The following TLN2 variants were observed in gnomAD, a reference collection of about 807,000 sequenced individuals.
TLN2 encodes the protein talin 2.
TLN2 carries 118 observed loss-of-function variants against 294.7 expected under a neutral mutation model. That is an observed-to-expected ratio of 0.40 (90% CI 0.34 to 0.47). TLN2 has a LOEUF of 0.47. Among genes scored for constraint, TLN2 ranks in the 20% least tolerant of loss-of-function variants. The pLI, the probability that TLN2 is intolerant of heterozygous loss-of-function variation, is 0.84. For synonymous variants in TLN2, 1,431 were observed against 1,304.5 expected (o/e 1.10, Z -2.09); for missense variants, 3,083 against 3,282.2 (o/e 0.94, Z 1.48).
At chr15:62,573,887 C>T (rs1298607052) in intron 1 of TLN2, among the ~76,000 whole-genome samples, 1 of 152,034 alleles carries the variant, frequency 6.6e-6, no homozygotes, top group African/African-American at 2.4e-5. Context: ...GAAATAGCTA[C>T]CCAAGCTCAC....
chr15:62,692,952 T>A lies in TLN2; in HGVS notation c.1215+11T>A, dbSNP rs1339367502. ...ATCATCCTGAAAAAGGTATTTTGTATTGATGCAAATTGGAAAAGCAAGACG... is the reference window on the plus strand; with the variant it reads ...ATCATCCTGAAAAAGGTATTTTGTAATGATGCAAATTGGAAAAGCAAGACG... On this transcript the variant is annotated intron_variant, in intron 13 of 58. Coordinates refer to ENST00000636159, the MANE Select transcript of TLN2 (RefSeq NM_015059.3). 1 of 1,597,436 alleles carries A rather than the reference T, an allele frequency of 6.3e-7. No homozygotes were observed. The highest frequency in any genetic ancestry group is 8.5e-7 in the Non-Finnish European group (1 of 1,173,146).
intron 1 of TLN2, among the ~76,000 whole-genome samples, chr15:62,521,867 C>A (rs1054568772): frequency 6.6e-6 from 1 of 152,154 alleles, no homozygotes; most frequent in African/African-American, 2.4e-5. Flanking sequence ...ATTTCCATTT[C>A]CTCAGTGTCT....
At chr15:62,603,703 A>G (rs1240065581) in intron 2 of TLN2, among the ~76,000 whole-genome samples, 1 of 152,246 alleles carries the variant, frequency 6.6e-6, no homozygotes, top group Non-Finnish European at 1.5e-5. Context: ...CTGGGATTGA[A>G]CAGAGCTTTG....
rs555118571 is a variant in TLN2, at chr15:62,536,846, T to C, written c.-237-52841T>C. 1.2e-4 allele frequency among the ~76,000 whole-genome samples: 19 copies of C among 152,352 alleles called. No homozygotes were observed. The South Asian group carries it at 3.3e-3, about 27-fold the overall frequency. On this transcript the variant is annotated intron_variant, in intron 1 of 58. Coordinates refer to ENST00000636159, the MANE Select transcript of TLN2 (RefSeq NM_015059.3). Reference sequence around the variant, plus strand: ...GGATACAGAGTCATATTTTGATATGTGTCATTATCAAGTCAGGGTAATTAG... The same window carrying C: ...GGATACAGAGTCATATTTTGATATGCGTCATTATCAAGTCAGGGTAATTAG...
At chr15:62,481,806 T>G (rs1021999767) in intron 1 of TLN2, among the ~76,000 whole-genome samples, 6 of 149,666 alleles carry the variant, frequency 4.0e-5, no homozygotes, top group Non-Finnish European at 7.4e-5. Context: ...TTCTTTTTTT[T>G]TTTTTTTTTA....
chr15:62,465,104 G>GTTTTTTTTTTT (rs57890839), intron 1 of TLN2, among the ~76,000 whole-genome samples: 1 of 85,514 alleles, frequency 1.2e-5, no homozygotes, highest in Admixed American at 1.6e-4. Flanking sequence ...TGGTGAGCGC[G>GTTTTTTTTTTT]TTTTTTTTTT....
chr15:62,763,939 G>A (rs1391877838), intron 40 of TLN2, among the ~76,000 whole-genome samples: 1 of 152,192 alleles, frequency 6.6e-6, no homozygotes, highest in Non-Finnish European at 1.5e-5. Flanking sequence ...TTCAAAAGTA[G>A]CTGAAATTTG....
intron 3 of TLN2, among the ~76,000 whole-genome samples, chr15:62,643,292 G>A (rs11071680): frequency 0.75 from 114,454 of 151,980 alleles, 46,246 homozygotes; most frequent in Non-Finnish European, 0.88. Flanking sequence ...CTCAAGCTTG[G>A]AAAAACTAAA....
intron 1 of TLN2, among the ~76,000 whole-genome samples, chr15:62,502,447 G>T (rs555564187): frequency 5.3e-5 from 8 of 152,300 alleles, no homozygotes; most frequent in Admixed American, 3.9e-4. Flanking sequence ...AGTCAGCCAG[G>T]GTGTCAAGCC....
intron 21 of TLN2, 64 bp from the exon 22 acceptor site, chr15:62,711,847 C>T: frequency 1.3e-6 from 2 of 1,531,018 alleles, no homozygotes; most frequent in South Asian, 1.3e-5. Flanking sequence ...TGTAGTGGCT[C>T]CTGAGGTTTT....
chr15:62,838,936 C>G lies in TLN2; in HGVS notation c.7455C>G (p.Asp2485Glu). The G allele has an allele frequency of 6.2e-7, 1 of 1,613,996 alleles. No individual in the cohort carries two copies. The highest frequency in any genetic ancestry group is 1.1e-5 in the South Asian group (1 of 91,076). The change falls in exon 58 of 59, where the codon GAC becomes GAG. Residue 2485 changes from aspartate to glutamate, a missense_variant. Transcript: ENST00000636159. Reference protein sequence around the residue: ...AQKAAFGKADDDDVVVKTKFV... With the variant: ...AQKAAFGKADEDDVVVKTKFV... Reference sequence around the variant, plus strand: ...AGGCAGCTTTTGGCAAAGCTGATGACGACGATGTTGTAGTGAAAACCAAGT... The same window carrying G: ...AGGCAGCTTTTGGCAAAGCTGATGAGGACGATGTTGTAGTGAAAACCAAGT...
At chr15:62,536,343 A>G (rs1391100906) in intron 1 of TLN2, among the ~76,000 whole-genome samples, 1 of 152,198 alleles carries the variant, frequency 6.6e-6, no homozygotes, top group South Asian at 2.1e-4. Context: ...GTTAGAGGTC[A>G]CAGGTCACAG....
At chr15:62,543,074 G>A (rs2041791355) in intron 1 of TLN2, among the ~76,000 whole-genome samples, 2 of 152,136 alleles carry the variant, frequency 1.3e-5, no homozygotes, top group African/African-American at 4.8e-5. Flanking sequence ...AATGAGTGCT[G>A]GAGAGGCCAT....
intron 19 of TLN2, among the ~76,000 whole-genome samples, chr15:62,703,110 T>G (rs2141103198): frequency 6.6e-6 from 1 of 152,154 alleles, no homozygotes; most frequent in African/African-American, 2.4e-5. Context: ...CCTGATTTTT[T>G]TTTTTTTTTT....
intron 9 of TLN2, among the ~76,000 whole-genome samples, chr15:62,671,309 T>C (rs1228180095): frequency 6.6e-6 from 1 of 152,230 alleles, no homozygotes; most frequent in Non-Finnish European, 1.5e-5. Flanking sequence ...TTTTTTTTCT[T>C]TTACTACATG....
intron 28 of TLN2, among the ~76,000 whole-genome samples, chr15:62,735,061 G>GTTCT (rs1372987290): frequency 6.6e-6 from 1 of 152,216 alleles, no homozygotes; most frequent in East Asian, 1.9e-4. Flanking sequence ...CTAACAGAAA[G>GTTCT]GGCTCATAGT....
intron 1 of TLN2, among the ~76,000 whole-genome samples, chr15:62,523,214 G>C (rs2040561465): frequency 6.6e-6 from 1 of 152,212 alleles, no homozygotes; most frequent in Non-Finnish European, 1.5e-5. Flanking sequence ...AAATTCCAGA[G>C]AGAATGAGTT....
chr15:62,634,559 T>C (rs1011211117), intron 3 of TLN2, among the ~76,000 whole-genome samples: 2 of 152,260 alleles, frequency 1.3e-5, no homozygotes, highest in Admixed American at 1.3e-4. Context: ...TTCTTCCTTA[T>C]GCTTTTGATG....
intron 3 of TLN2, among the ~76,000 whole-genome samples, chr15:62,627,312 T>G (rs1303181818): frequency 2.0e-5 from 3 of 152,174 alleles, no homozygotes; most frequent in African/African-American, 7.2e-5. Context: ...CCCAAGCACC[T>G]CAGTTGCTTT....
Sources: allele counts gnomAD v4.1 joint callset (sites outside exome capture counted in the v4.1 genomes callset), GRCh38; gene constraint gnomAD v4.1.1; transcripts MANE v1.5; gene names NCBI Gene and HGNC (gene_info 2026-07-23, HGNC 2026-07-21).